Variants in SCHIP1 observed in about 807,000 individuals in gnomAD.
SCHIP1 encodes the protein schwannomin-interacting protein 1.
In SCHIP1, 8 loss-of-function variants were observed where a neutral mutation model predicts 29.7. The observed-to-expected ratio is 0.27, with a 90% CI of 0.16 to 0.49. The LOEUF (loss-of-function observed/expected upper bound fraction) is 0.49. Among genes scored for constraint, SCHIP1 ranks in the 20% least tolerant of loss-of-function variants. SCHIP1 has a pLI of 0.99. For missense variants in SCHIP1, 193 were observed against 294.6 expected (o/e 0.66, Z 2.52); for synonymous variants, 76 against 94.9 (o/e 0.80, Z 1.16).
At chr3:159,762,697 T>C in the SCHIP1 span, among the ~76,000 whole-genome samples, 1 of 152,240 alleles carries the variant, frequency 6.6e-6, no homozygotes, top group Non-Finnish European at 1.5e-5. Context: ...AGGAAATCCT[T>C]AGTAGGCGCT....
chr3:159,717,508 G>A, the SCHIP1 span, among the ~76,000 whole-genome samples: 1 of 151,992 alleles, frequency 6.6e-6, no homozygotes, highest in East Asian at 1.9e-4. Context: ...AGAAAAGAGA[G>A]AAGAATCAAA....
At chr3:159,546,740 A>C in the SCHIP1 span, among the ~76,000 whole-genome samples, 3 of 152,138 alleles carry the variant, frequency 2.0e-5, no homozygotes, top group African/African-American at 7.2e-5. Flanking sequence ...TGTTCCTTCA[A>C]ACGACATGAA....
chr3:159,752,191 T>G, the SCHIP1 span, among the ~76,000 whole-genome samples: 16 of 152,272 alleles, frequency 1.1e-4, no homozygotes, highest in African/African-American at 3.8e-4. Flanking sequence ...AATAAACCTC[T>G]TTTCTTTATA....
At chr3:159,396,518 G>T in the SCHIP1 span, among the ~76,000 whole-genome samples, 1 of 147,106 alleles carries the variant, frequency 6.8e-6, no homozygotes, top group Non-Finnish European at 1.5e-5. Context: ...CAGGCCTGGT[G>T]GTGACAAAAT....
the SCHIP1 span, among the ~76,000 whole-genome samples, chr3:159,438,142 CT>C: frequency 6.6e-6 from 1 of 152,130 alleles, no homozygotes; most frequent in Non-Finnish European, 1.5e-5. Context: ...GCTGCAGAGT[CT>C]TTTGTTTGAC....
the SCHIP1 span, among the ~76,000 whole-genome samples, chr3:159,810,085 G>A: frequency 1.3e-5 from 2 of 152,156 alleles, no homozygotes; most frequent in African/African-American, 2.4e-5. Context: ...TCGCACTGTC[G>A]CCCAGGCTGG....
chr3:159,788,774 A>C, the SCHIP1 span, among the ~76,000 whole-genome samples: 9 of 152,316 alleles, frequency 5.9e-5, no homozygotes, highest in Admixed American at 2.6e-4. Flanking sequence ...TAAACATATG[A>C]ACATATGAAC....
At chr3:159,353,727 T>G in the SCHIP1 span, among the ~76,000 whole-genome samples, 1 of 152,176 alleles carries the variant, frequency 6.6e-6, no homozygotes. Context: ...TACAGGTATT[T>G]TAAAATTTAC....
chr3:159,714,160 C>T, the SCHIP1 span, among the ~76,000 whole-genome samples: 2 of 152,164 alleles, frequency 1.3e-5, no homozygotes, highest in Non-Finnish European at 2.9e-5. Context: ...TAACTTGATG[C>T]CAGGAGGCAG....
the SCHIP1 span, among the ~76,000 whole-genome samples, chr3:159,300,380 G>T: frequency 6.6e-6 from 1 of 151,788 alleles, no homozygotes; most frequent in Non-Finnish European, 1.5e-5. Flanking sequence ...GCAGAAATCT[G>T]CATTTTTAAC....
the SCHIP1 span, among the ~76,000 whole-genome samples, chr3:159,438,982 T>A: frequency 6.6e-6 from 1 of 152,222 alleles, no homozygotes; most frequent in African/African-American, 2.4e-5. Flanking sequence ...ATAGACTGAT[T>A]TATATTCCTT....
chr3:159,772,913 G>A, the SCHIP1 span, among the ~76,000 whole-genome samples: 1 of 151,982 alleles, frequency 6.6e-6, no homozygotes. Context: ...GCTAATTTTT[G>A]TATTTTTACT....
the SCHIP1 span, among the ~76,000 whole-genome samples, chr3:159,732,977 G>T: frequency 1.3e-5 from 2 of 152,190 alleles, no homozygotes; most frequent in Non-Finnish European, 2.9e-5. Context: ...AGCAGGAGGT[G>T]GGGGTGCATG....
At chr3:159,485,384 G>A in the SCHIP1 span, among the ~76,000 whole-genome samples, 19 of 152,218 alleles carry the variant, frequency 1.2e-4, no homozygotes, top group South Asian at 1.0e-3. Context: ...AAGTAAGCAC[G>A]TAGCAAATGT....
At chr3:159,757,272 G>A in the SCHIP1 span, among the ~76,000 whole-genome samples, 1 of 152,230 alleles carries the variant, frequency 6.6e-6, no homozygotes, top group African/African-American at 2.4e-5. Flanking sequence ...GGAAGGTGAG[G>A]AGAAGCAAGT....
At chr3:159,679,645 C>T in the SCHIP1 span, among the ~76,000 whole-genome samples, 2 of 152,056 alleles carry the variant, frequency 1.3e-5, no homozygotes, top group Admixed American at 6.5e-5. Flanking sequence ...TGTCATAATA[C>T]AAAAAGGGAG....
At chr3:159,754,791 G>A in the SCHIP1 span, among the ~76,000 whole-genome samples, 1 of 152,240 alleles carries the variant, frequency 6.6e-6, no homozygotes, top group Non-Finnish European at 1.5e-5. Context: ...TGGAACTCTG[G>A]AAATCTGGAG....
the SCHIP1 span, among the ~76,000 whole-genome samples, chr3:159,526,910 C>A: frequency 6.6e-6 from 1 of 152,142 alleles, no homozygotes; most frequent in African/African-American, 2.4e-5. Context: ...CTGATACTGT[C>A]CCGCCTAGTG....
the SCHIP1 span, among the ~76,000 whole-genome samples, chr3:159,725,153 C>T: frequency 6.6e-6 from 1 of 152,108 alleles, no homozygotes; most frequent in Non-Finnish European, 1.5e-5. Flanking sequence ...GGACTCTCTT[C>T]CAAGGGTGAC....
Sources: gnomAD v4.1 joint callset for allele counts (sites outside exome capture counted in the v4.1 genomes callset) on GRCh38, gnomAD v4.1.1 for gene constraint, MANE v1.5 for transcripts, NCBI Gene and HGNC (gene_info 2026-07-23, HGNC 2026-07-21) for gene names.